Variants in WDSUB1 observed in about 807,000 individuals in gnomAD.
WDSUB1 encodes the protein WD repeat, SAM and U-box domain-containing protein 1.
In WDSUB1, 49 loss-of-function variants were observed where a neutral mutation model predicts 53.9. The ratio of observed to expected loss-of-function variants is 0.91; its 90% CI spans 0.72 to 1.15. The LOEUF (loss-of-function observed/expected upper bound fraction) is 1.15, where lower values mean the gene tolerates loss of function less well. Ranked by LOEUF, WDSUB1 falls within the 50% of genes most tolerant of loss-of-function variation. The pLI, the probability that WDSUB1 is intolerant of heterozygous loss-of-function variation, is 0.00. For synonymous variants in WDSUB1, 194 were observed against 200.6 expected, an observed-to-expected ratio of 0.97 and a Z score of 0.28; for missense variants, 514 against 562.0, an observed-to-expected ratio of 0.91 and a Z score of 0.86.
chr2:159,240,235 G>T (rs1005798602), intron 10 of WDSUB1, among the ~76,000 whole-genome samples: 3 of 152,022 alleles, frequency 2.0e-5, no homozygotes, highest in Non-Finnish European at 2.9e-5. Flanking sequence ...TTTATGGCTC[G>T]ATATTCTCTT....
rs780058159 is a variant in WDSUB1 at position 159,248,420 on chromosome 2, T to A, written c.1225A>T (p.Ile409Leu). Residue 409 changes from isoleucine (I) to leucine (L), a missense_variant, in exon 10 of 11, where the codon ATA (isoleucine) becomes TTA (leucine). Coordinates refer to ENST00000359774, the MANE Select transcript of WDSUB1 (RefSeq NM_001128212.3). Reference sequence around the variant, plus strand: ...ATAAGTTCTCTAGTTATTGGACATATAAATTCATCAGGAATTCCTGAAGAA... The same window carrying A: ...ATAAGTTCTCTAGTTATTGGACATAAAAATTCATCAGGAATTCCTGAAGAA... The part of the protein sequence containing the change: ...SLSSGIPDEF[I>L]CPITRELMKD... 19 of 1,610,610 alleles carry A rather than the reference T, an allele frequency of 1.2e-5. No homozygotes were observed. The highest frequency in any genetic ancestry group is 1.6e-5 in the Non-Finnish European group (19 of 1,178,944).
Position 159,282,992 on chromosome 2 carries a change from A to G in WDSUB1, c.78T>C (p.Ala26=). 1.9e-6 allele frequency: 3 copies of G among 1,614,250 alleles called. No homozygotes were observed. The highest frequency in any genetic ancestry group is 1.3e-5 in the African/African-American group (1 of 75,074). The change falls in exon 2 of 11, where the codon GCT becomes GCC. Residue 26 remains alanine, a synonymous_variant. Transcript: ENST00000359774. The stretch of plus-strand genomic sequence containing the variant: ...GAATTGTTTTGTCCAAGGAGCAAGT[A>G]GCCAAGAGGGAAAAGGAGAAGGCAC... ...NCCAFSFSLL[A]TCSLDKTIRL...
chr2:159,271,663 T>C (rs2061445414), intron 5 of WDSUB1, 39 bp downstream of exon 5: 2 of 1,530,726 alleles, frequency 1.3e-6, no homozygotes, highest in Non-Finnish European at 1.8e-6. Flanking sequence ...TTTGATTTCA[T>C]ATAAAAATGG....
intron 4 of WDSUB1, among the ~76,000 whole-genome samples, chr2:159,273,148 GAC>G (rs1368280797): frequency 1.3e-5 from 2 of 152,126 alleles, no homozygotes; most frequent in African/African-American, 4.8e-5. Flanking sequence ...GGAGAGCAGA[GAC>G]ACACACTAAA....
intron 4 of WDSUB1, among the ~76,000 whole-genome samples, chr2:159,274,171 A>C (rs1431553313): frequency 6.6e-6 from 1 of 152,230 alleles, no homozygotes; most frequent in Admixed American, 6.5e-5. Context: ...ATACAAAGAG[A>C]CAGGGGTACA....
At position 159,235,890 on chromosome 2, in the gene WDSUB1, G is replaced by A. The variant is rs147868868; in HGVS notation, c.*143C>T. On this transcript the variant is annotated 3_prime_UTR_variant, in exon 11 of 11. Coordinates refer to ENST00000359774, the MANE Select transcript of WDSUB1 (RefSeq NM_001128212.3). The stretch of plus-strand genomic sequence containing the variant: ...TAAGTCCATGTGTTTTTTAAAGAAT[G>A]AAAATTGACAATTTTTATAGGTAAC... 441 of 816,064 alleles carry A rather than the reference G, an allele frequency of 5.4e-4. 2 individuals carry two copies. In the African/African-American group the frequency reaches 6.6e-3, roughly 12 times the overall value. 50.6% of individuals were successfully genotyped at this position (816,064 alleles called of 1,614,324 possible).
intron 6 of WDSUB1, among the ~76,000 whole-genome samples, chr2:159,259,036 A>AATTTTTTTTTT (rs1436442238): frequency 2.0e-5 from 3 of 150,608 alleles, no homozygotes; most frequent in Non-Finnish European, 3.0e-5. Context: ...CAACTACTTT[A>AATTTTTTTTTT]TTTTTGAGAC....
chr2:159,256,095 T>C (rs2061055385), intron 9 of WDSUB1, 101 bp downstream of exon 9: 2 of 1,121,218 alleles, frequency 1.8e-6, no homozygotes, highest in Non-Finnish European at 2.5e-6. Context: ...ATTAGTGTAG[T>C]GCCAGAACAT....
chr2:159,246,431 C>CAAA lies in WDSUB1; in HGVS notation c.1273+1938_1273+1940dup, dbSNP rs35443297. 3.5e-3 allele frequency among the ~76,000 whole-genome samples: 409 copies of CAAA among 117,060 alleles called. 8 individuals carry two copies. The highest frequency in any genetic ancestry group is 0.011 in the African/African-American group (319 of 29,604). 76.8% of individuals were successfully genotyped at this position (117,060 alleles called of 152,430 possible). ...TGGGCAACAGAGCGAGAGTCTGTCT[C>CAAA]AAAAAAAAAAAAAAAAAGCACAATG... On this transcript the variant is annotated intron_variant, in intron 10 of 10. Coordinates refer to ENST00000359774, the MANE Select transcript of WDSUB1 (RefSeq NM_001128212.3).
chr2:159,281,522 A>G (rs536356469), intron 2 of WDSUB1, among the ~76,000 whole-genome samples: 27 of 152,334 alleles, frequency 1.8e-4, no homozygotes, highest in African/African-American at 5.8e-4. Context: ...GTTTTTTCCA[A>G]AAGAGTTTTT....
chr2:159,275,202 G>A (rs1039331107), intron 4 of WDSUB1, among the ~76,000 whole-genome samples: 5 of 152,152 alleles, frequency 3.3e-5, no homozygotes, highest in Admixed American at 2.6e-4. Flanking sequence ...GATGGGAAAA[G>A]ACCCACACAC....
chr2:159,250,902 A>T (rs867705643), intron 9 of WDSUB1, among the ~76,000 whole-genome samples: 5 of 152,206 alleles, frequency 3.3e-5, no homozygotes, highest in African/African-American at 1.2e-4. Context: ...AACTGTCATA[A>T]ATGTTTCCAG....
chr2:159,255,462 A>G (rs1575453386), intron 9 of WDSUB1, among the ~76,000 whole-genome samples: 1 of 151,710 alleles, frequency 6.6e-6, no homozygotes, highest in Non-Finnish European at 1.5e-5. Context: ...GCGAGACTCC[A>G]TCTCAAAAAT....
intron 5 of WDSUB1, among the ~76,000 whole-genome samples, chr2:159,269,690 G>A (rs1356934537): frequency 6.6e-6 from 1 of 152,088 alleles, no homozygotes; most frequent in Non-Finnish European, 1.5e-5. Flanking sequence ...AAATTTGTTT[G>A]TTCCAACAAA....
chr2:159,263,128 T>C (rs2061259971), intron 5 of WDSUB1, among the ~76,000 whole-genome samples: 1 of 152,136 alleles, frequency 6.6e-6, no homozygotes, highest in Non-Finnish European at 1.5e-5. Context: ...GTGCTTGACA[T>C]GGACGTGGTG....
intron 5 of WDSUB1, among the ~76,000 whole-genome samples, chr2:159,268,396 A>T (rs2061385513): frequency 6.6e-6 from 1 of 152,260 alleles, no homozygotes; most frequent in Non-Finnish European, 1.5e-5. Context: ...TTCTAGGTCA[A>T]AAGACAATTA....
intron 5 of WDSUB1, among the ~76,000 whole-genome samples, chr2:159,270,972 A>G (rs943167753): frequency 6.6e-6 from 1 of 152,232 alleles, no homozygotes; most frequent in Non-Finnish European, 1.5e-5. Flanking sequence ...AAACTTCTGA[A>G]AAGGTTCCAA....
At chr2:159,267,055 G>A (rs552261440) in intron 5 of WDSUB1, among the ~76,000 whole-genome samples, 8 of 151,354 alleles carry the variant, frequency 5.3e-5, no homozygotes, top group East Asian at 2.0e-4. Context: ...TTACAGGCAT[G>A]AGCCACCATG....
Position 159,254,325 on chromosome 2 carries a change from C to A in WDSUB1, c.1132+1871G>T, listed in dbSNP as rs60544271. On this transcript the variant is annotated intron_variant, in intron 9 of 10. Coordinates refer to ENST00000359774, the MANE Select transcript of WDSUB1 (RefSeq NM_001128212.3). Reference sequence around the variant, plus strand: ...CTGTAATCCTAGCACATTGGGAGGCCGAGCTGGGAGGGTCACTTAAGGTCA... The same window carrying A: ...CTGTAATCCTAGCACATTGGGAGGCAGAGCTGGGAGGGTCACTTAAGGTCA... Among the ~76,000 whole-genome samples, 16 of 152,202 alleles carry A rather than the reference C, an allele frequency of 1.1e-4. No homozygotes were observed. In the South Asian group the frequency reaches 3.3e-3, roughly 32 times the overall value.
Sources: allele counts gnomAD v4.1 joint callset (sites outside exome capture counted in the v4.1 genomes callset), GRCh38; gene constraint gnomAD v4.1.1; transcripts MANE v1.5; gene names NCBI Gene and HGNC (gene_info 2026-07-23, HGNC 2026-07-21).